Variants in GPRASP3 observed in about 807,000 individuals in gnomAD.
GPRASP3 encodes the protein G protein-coupled receptor associated sorting protein 3.
At chrX:102,738,182 C>T in the GPRASP3 span, among the ~76,000 whole-genome samples, 1 of 112,073 alleles carries the variant, frequency 8.9e-6, no homozygotes, top group Admixed American at 9.4e-5. Flanking sequence ...ATCCAAGGGG[C>T]AAGTCCTGTG....
the GPRASP3 span, among the ~76,000 whole-genome samples, chrX:102,745,588 G>T: frequency 9.0e-6 from 1 of 111,040 alleles, no homozygotes; most frequent in African/African-American, 3.3e-5. Context: ...TAGCTTCCAG[G>T]AAGGAGAGTG....
chrX:102,745,988 C>T, the GPRASP3 span: 1 of 111,951 alleles, frequency 8.9e-6, no homozygotes, highest in Non-Finnish European at 1.9e-5. Context: ...GACACCCTCG[C>T]GGAGAGAGCG....
At chrX:102,752,371 TTG>T in the GPRASP3 span, 1 of 125,347 alleles carries the variant, frequency 8.0e-6, no homozygotes. Flanking sequence ...CTGTAAATGT[TTG>T]TAACTTGCTT....
At chrX:102,728,808 A>G in the GPRASP3 span, among the ~76,000 whole-genome samples, 1 of 110,641 alleles carries the variant, frequency 9.0e-6, no homozygotes, top group Admixed American at 9.7e-5. Context: ...TCCAACATGT[A>G]AGAACTTGTA....
chrX:102,744,386 T>C, the GPRASP3 span, among the ~76,000 whole-genome samples: 1 of 112,235 alleles, frequency 8.9e-6, no homozygotes, highest in Admixed American at 9.4e-5. Flanking sequence ...TTTAAGACAA[T>C]GTGTTAAAGT....
chrX:102,722,580 C>A, the GPRASP3 span, among the ~76,000 whole-genome samples: 1 of 111,926 alleles, frequency 8.9e-6, no homozygotes, highest in East Asian at 2.8e-4. Context: ...AGTTCCAACC[C>A]TCTAATCATG....
chrX:102,749,099 G>A, the GPRASP3 span: 1 of 1,212,153 alleles, frequency 8.2e-7, no homozygotes, highest in African/African-American at 1.7e-5. Context: ...GGTGTTGTTA[G>A]GCCTGTAGCC....
chrX:102,741,480 T>C, the GPRASP3 span, among the ~76,000 whole-genome samples: 2 of 112,432 alleles, frequency 1.8e-5, no homozygotes, highest in South Asian at 7.4e-4. Context: ...ATTTTGTCTC[T>C]TAATGCATAT....
At chrX:102,749,554 G>C in the GPRASP3 span, 1 of 1,211,621 alleles carries the variant, frequency 8.3e-7, no homozygotes. Context: ...TACTAGTTTT[G>C]ACCCTAATCC....
chrX:102,733,650 TAA>T, the GPRASP3 span, among the ~76,000 whole-genome samples: 1 of 102,117 alleles, frequency 9.8e-6, no homozygotes. Flanking sequence ...AGCAAAATGT[TAA>T]AAAAAAAAAA....
At chrX:102,725,395 G>A in the GPRASP3 span, among the ~76,000 whole-genome samples, 2 of 111,819 alleles carry the variant, frequency 1.8e-5, no homozygotes, top group Non-Finnish European at 3.8e-5. Flanking sequence ...CATCATTTGG[G>A]CTCAGTTCAA....
chrX:102,752,361 C>T, the GPRASP3 span: 3 of 123,464 alleles, frequency 2.4e-5, no homozygotes, highest in African/African-American at 9.7e-5. Context: ...CAAGATCATA[C>T]TGTAAATGTT....
At chrX:102,739,415 G>A in the GPRASP3 span, among the ~76,000 whole-genome samples, 1 of 111,650 alleles carries the variant, frequency 9.0e-6, no homozygotes, top group Non-Finnish European at 1.9e-5. Context: ...TCGAGAAATG[G>A]CGGCTATAGG....
chrX:102,730,714 A>T, the GPRASP3 span, among the ~76,000 whole-genome samples: 1 of 111,831 alleles, frequency 8.9e-6, no homozygotes, highest in Non-Finnish European at 1.9e-5. Flanking sequence ...TCAATTCTGT[A>T]TTCCTCTGGC....
the GPRASP3 span, among the ~76,000 whole-genome samples, chrX:102,741,481 TA>T: frequency 8.9e-6 from 1 of 112,348 alleles, no homozygotes; most frequent in Non-Finnish European, 1.9e-5. Flanking sequence ...TTTTGTCTCT[TA>T]ATGCATATGC....
At chrX:102,740,656 A>C in the GPRASP3 span, among the ~76,000 whole-genome samples, 1 of 111,549 alleles carries the variant, frequency 9.0e-6, no homozygotes, top group Admixed American at 9.5e-5. Flanking sequence ...TCAGACAGAG[A>C]AGTTGAAATA....
the GPRASP3 span, among the ~76,000 whole-genome samples, chrX:102,738,352 C>T: frequency 8.9e-6 from 1 of 112,457 alleles, no homozygotes; most frequent in Admixed American, 9.4e-5. Flanking sequence ...ACCATGTACC[C>T]ATGGTCCCAT....
chrX:102,723,669 G>A, the GPRASP3 span, among the ~76,000 whole-genome samples: 2 of 111,459 alleles, frequency 1.8e-5, no homozygotes, highest in Non-Finnish European at 3.8e-5. Context: ...TGTGACAGGA[G>A]TATCTTTGTT....
the GPRASP3 span, among the ~76,000 whole-genome samples, chrX:102,741,408 AT>A: frequency 8.9e-6 from 1 of 111,858 alleles, no homozygotes; most frequent in Non-Finnish European, 1.9e-5. Flanking sequence ...AGTTATATGC[AT>A]GCCCATCTGA....
Sources: allele counts gnomAD v4.1 joint callset (sites outside exome capture counted in the v4.1 genomes callset), GRCh38; gene constraint gnomAD v4.1.1; transcripts MANE v1.5; gene names NCBI Gene and HGNC (gene_info 2026-07-23, HGNC 2026-07-21).